The following NEK7 variants were observed in gnomAD, a reference collection of about 807,000 sequenced individuals.
The protein encoded by NEK7 is serine/threonine-protein kinase Nek7.
Under a neutral mutation model 44.6 loss-of-function variants are expected in NEK7, and 18 were observed. The observed-to-expected ratio is 0.40, with a 90% confidence interval of 0.28 to 0.60. NEK7 has a LOEUF of 0.60. Ranked by LOEUF, NEK7 falls within the 20% of genes least tolerant of loss-of-function variation. The pLI, the probability that NEK7 is intolerant of heterozygous loss-of-function variation, is 0.38. For synonymous variants in NEK7, 130 were observed against 121.1 expected (o/e 1.07, Z -0.48); for missense variants, 256 against 366.5 (o/e 0.70, Z 2.46).
chr1:198,224,411 A>T (rs757798704), intron 1 of NEK7, among the ~76,000 whole-genome samples: 3 of 152,186 alleles, frequency 2.0e-5, no homozygotes, highest in African/African-American at 4.8e-5. Flanking sequence ...AGTAGGCTAT[A>T]CCATTTAGGT....
chr1:198,318,801 T>C (rs998981032), intron 9 of NEK7, among the ~76,000 whole-genome samples: 11 of 152,102 alleles, frequency 7.2e-5, no homozygotes, highest in African/African-American at 2.7e-4. Context: ...ATAGTAAACC[T>C]CAACTCTCTC....
At chr1:198,250,537 G>T (rs1396223790) in intron 2 of NEK7, among the ~76,000 whole-genome samples, 1 of 135,640 alleles carries the variant, frequency 7.4e-6, no homozygotes, top group Non-Finnish European at 1.6e-5. Context: ...CCATTTGTTT[G>T]TATCCTCTTT....
At chr1:198,197,794 G>C in intron 1 of NEK7, 1 of 730,910 alleles carries the variant, frequency 1.4e-6, no homozygotes, top group African/African-American at 1.7e-5. Flanking sequence ...CAGAGTCACT[G>C]ATGGAAGAGG....
intron 2 of NEK7, among the ~76,000 whole-genome samples, chr1:198,242,969 T>A (rs1345735206): frequency 6.6e-6 from 1 of 151,704 alleles, no homozygotes; most frequent in Non-Finnish European, 1.5e-5. Context: ...CTCGCCAGAG[T>A]GCTCAGTGCT....
chr1:198,255,658 G>T (rs1041896891), intron 3 of NEK7, among the ~76,000 whole-genome samples: 2 of 152,044 alleles, frequency 1.3e-5, no homozygotes, highest in African/African-American at 4.8e-5. Flanking sequence ...TCTGTTTTAC[G>T]CTGTGATAAA....
At chr1:198,187,463 G>C (rs1664954644) in intron 1 of NEK7, among the ~76,000 whole-genome samples, 1 of 152,196 alleles carries the variant, frequency 6.6e-6, no homozygotes, top group African/African-American at 2.4e-5. Context: ...GATGCAAACA[G>C]CAGGAGAATT....
intron 1 of NEK7, among the ~76,000 whole-genome samples, chr1:198,178,965 A>G (rs1046700288): frequency 1.3e-5 from 2 of 151,790 alleles, no homozygotes; most frequent in African/African-American, 4.8e-5. Context: ...TTAGTAGAAT[A>G]GAAAAGCATT....
chr1:198,241,954 A>T (rs1294152355), intron 2 of NEK7, among the ~76,000 whole-genome samples: 1 of 152,068 alleles, frequency 6.6e-6, no homozygotes, highest in Admixed American at 6.5e-5. Flanking sequence ...CGTATCTTTT[A>T]TTACATCTTT....
At chr1:198,232,491 T>C in intron 1 of NEK7, 62 bp from the exon 2 acceptor site, 8 of 776,130 alleles carry the variant, frequency 1.0e-5, no homozygotes, top group Non-Finnish European at 1.2e-5. Flanking sequence ...TGTCGGTGTA[T>C]GATGAATGAT....
intron 9 of NEK7, among the ~76,000 whole-genome samples, chr1:198,310,597 T>G (rs1655151017): frequency 6.6e-6 from 1 of 151,204 alleles, no homozygotes; most frequent in East Asian, 2.0e-4. Context: ...AAGTCTTTAA[T>G]CCATCTTGAA....
chr1:198,275,293 T>G (rs952268163), intron 5 of NEK7, among the ~76,000 whole-genome samples: 1 of 151,332 alleles, frequency 6.6e-6, no homozygotes, highest in Non-Finnish European at 1.5e-5. Context: ...TTCAGATACT[T>G]TATTTTCAAC....
At chr1:198,234,223 T>G (rs1238926025) in intron 2 of NEK7, among the ~76,000 whole-genome samples, 2 of 152,134 alleles carry the variant, frequency 1.3e-5, no homozygotes, top group African/African-American at 4.8e-5. Context: ...ATTGCTTTTC[T>G]TTGTTATACC....
intron 1 of NEK7, among the ~76,000 whole-genome samples, chr1:198,219,473 T>C (rs78510057): frequency 1.3e-5 from 2 of 151,648 alleles, no homozygotes; most frequent in East Asian, 3.9e-4. Flanking sequence ...AAATACTGCA[T>C]GTTCTTACTT....
At chr1:198,170,071 C>T (rs1664391950) in intron 1 of NEK7, among the ~76,000 whole-genome samples, 1 of 151,782 alleles carries the variant, frequency 6.6e-6, no homozygotes, top group South Asian at 2.1e-4. Context: ...CTCTGCAAGG[C>T]CCACAGAACA....
At chr1:198,239,713 G>A (rs982059819) in intron 2 of NEK7, among the ~76,000 whole-genome samples, 1 of 151,948 alleles carries the variant, frequency 6.6e-6, no homozygotes, top group Middle Eastern at 3.2e-3. Context: ...ATCTCTAACT[G>A]AAAGTTAATT....
chr1:198,174,811 A>G (rs1221294670), intron 1 of NEK7, among the ~76,000 whole-genome samples: 2 of 151,906 alleles, frequency 1.3e-5, no homozygotes, highest in Non-Finnish European at 2.9e-5. Flanking sequence ...AGGCTGGAGC[A>G]TTGTGGCAGG....
chr1:198,217,748 A>C (rs1254064689), intron 1 of NEK7, among the ~76,000 whole-genome samples: 3 of 151,964 alleles, frequency 2.0e-5, no homozygotes, highest in Non-Finnish European at 4.4e-5. Flanking sequence ...AGGTTACAAA[A>C]TCAATGTACA....
intron 2 of NEK7, among the ~76,000 whole-genome samples, chr1:198,247,534 ATTG>A (rs992174212): frequency 3.3e-5 from 5 of 152,264 alleles, no homozygotes; most frequent in Non-Finnish European, 5.9e-5. Context: ...ACCTTCTATC[ATTG>A]TTGTAGTAAT....
chr1:198,300,140 G>A (rs1322578895), intron 9 of NEK7, among the ~76,000 whole-genome samples: 1 of 152,094 alleles, frequency 6.6e-6, no homozygotes, highest in African/African-American at 2.4e-5. Context: ...TCTCATCCAT[G>A]TATCAATGGG....
Sources: allele counts gnomAD v4.1 joint callset (sites outside exome capture counted in the v4.1 genomes callset), GRCh38; gene constraint gnomAD v4.1.1; transcripts MANE v1.5; gene names NCBI Gene and HGNC (gene_info 2026-07-23, HGNC 2026-07-21).